Variants in RAB27A observed in about 807,000 individuals in gnomAD.
RAB27A encodes RAB27A, member RAS oncogene family, also known as ras-related protein Rab-27A.
Under a neutral mutation model 20.8 loss-of-function variants are expected in RAB27A, and 17 were observed. That is an observed-to-expected ratio of 0.82 (90% CI 0.56 to 1.23). The LOEUF (loss-of-function observed/expected upper bound fraction) is 1.23, where lower values mean the gene tolerates loss of function less well. RAB27A is among the 50% of genes most tolerant of loss of function. RAB27A has a pLI of 0.00. For missense variants in RAB27A, 277 were observed against 266.7 expected, an observed-to-expected ratio of 1.04 and a Z score of -0.27; for synonymous variants, 85 against 92.8, an observed-to-expected ratio of 0.92 and a Z score of 0.48.
In RAB27A at chr15:55,284,461, C is replaced by CA. The variant is rs1566935987; in HGVS notation, c.-143+5254dup. ...TACTCCAGAGGGTCAAAAGTGTTAA[C>CA]AAAACCATAAAAAAAAATAAAACCA... On this transcript the variant is annotated intron_variant, in intron 1 of 6. Transcript: ENST00000336787. Among the ~76,000 whole-genome samples, 5 of 151,964 alleles carry CA rather than the reference C, an allele frequency of 3.3e-5. No homozygotes were observed. In the South Asian group the frequency reaches 8.3e-4, roughly 25 times the overall value.
At chr15:55,288,888 A>G (rs970157038) in intron 1 of RAB27A, 3 of 152,204 alleles carry the variant, frequency 2.0e-5, no homozygotes, top group African/African-American at 7.2e-5. Context: ...ATTACAGAAA[A>G]CTTAAATAGC....
At chr15:55,265,669 T>C (rs1346573028) in intron 2 of RAB27A, among the ~76,000 whole-genome samples, 1 of 149,102 alleles carries the variant, frequency 6.7e-6, no homozygotes, top group Non-Finnish European at 1.5e-5. Context: ...TTTCGAACCG[T>C]CAGGAGGGAA....
Position 55,205,467 on chromosome 15 carries a change from G to T in RAB27A, c.*40C>A. 1 of 1,585,330 alleles carries T rather than the reference G, an allele frequency of 6.3e-7. No individual in the cohort carries two copies. The highest frequency in any genetic ancestry group is 8.7e-7 in the Non-Finnish European group (1 of 1,153,978). On this transcript the variant is annotated 3_prime_UTR_variant, in exon 7 of 7. Coordinates refer to ENST00000336787, the MANE Select transcript of RAB27A (RefSeq NM_183235.3). Reference sequence around the variant, plus strand: ...GTATCAATCATAGAGAAGATCCCAGGCATGGGCCACCTGAACTACTATGTC... The same window carrying T: ...GTATCAATCATAGAGAAGATCCCAGTCATGGGCCACCTGAACTACTATGTC...
chr15:55,260,188 C>A (rs1897225052), intron 2 of RAB27A, among the ~76,000 whole-genome samples: 2 of 152,134 alleles, frequency 1.3e-5, no homozygotes, highest in Admixed American at 6.5e-5. Flanking sequence ...TGAGAAGATG[C>A]TCAATATCAT....
At chr15:55,257,911 T>G (rs1334072264) in intron 2 of RAB27A, among the ~76,000 whole-genome samples, 1 of 152,084 alleles carries the variant, frequency 6.6e-6, no homozygotes, top group Non-Finnish European at 1.5e-5. Context: ...GAGAATTGCT[T>G]GAACCTGGGA....
chr15:55,254,235 A>T (rs1176354652), intron 2 of RAB27A, among the ~76,000 whole-genome samples: 4 of 152,186 alleles, frequency 2.6e-5, no homozygotes, highest in African/African-American at 4.8e-5. Context: ...AAAGAAAGAA[A>T]TATTATAATG....
chr15:55,226,388 C>A (rs748800291), intron 5 of RAB27A, among the ~76,000 whole-genome samples: 2 of 152,056 alleles, frequency 1.3e-5, no homozygotes, highest in Non-Finnish European at 2.9e-5. Flanking sequence ...CTGCAAGGAG[C>A]AAAGGGAAAG....
chr15:55,264,810 A>G (rs1159484882), intron 2 of RAB27A, among the ~76,000 whole-genome samples: 1 of 152,244 alleles, frequency 6.6e-6, no homozygotes, highest in African/African-American at 2.4e-5. Context: ...GCAGTAGCTC[A>G]TGAGCACATC....
chr15:55,226,075 G>A (rs1331428927), intron 5 of RAB27A, among the ~76,000 whole-genome samples: 2 of 152,192 alleles, frequency 1.3e-5, no homozygotes, highest in African/African-American at 4.8e-5. Context: ...AATATATACT[G>A]TTGGGTTTTT....
intron 2 of RAB27A, among the ~76,000 whole-genome samples, chr15:55,245,159 G>A (rs1392525146): frequency 6.6e-6 from 1 of 152,168 alleles, no homozygotes; most frequent in East Asian, 1.9e-4. Flanking sequence ...ACACCCTGAG[G>A]TGGAACACAG....
At chr15:55,213,528 A>G (rs538162372) in intron 6 of RAB27A, among the ~76,000 whole-genome samples, 47 of 152,324 alleles carry the variant, frequency 3.1e-4, no homozygotes, top group African/African-American at 1.1e-3. Flanking sequence ...ACCAGGCCAC[A>G]CAACAGGAGG....
intron 2 of RAB27A, among the ~76,000 whole-genome samples, chr15:55,297,277 T>G (rs2054953511): frequency 6.6e-6 from 1 of 152,266 alleles, no homozygotes. Flanking sequence ...AAGAAATACG[T>G]GCATGTGTGT....
chr15:55,209,437 C>G (rs1376230386), intron 6 of RAB27A, among the ~76,000 whole-genome samples: 1 of 152,086 alleles, frequency 6.6e-6, no homozygotes, highest in Non-Finnish European at 1.5e-5. Flanking sequence ...TAATGATCTC[C>G]AGTTCCATCC....
At chr15:55,218,691 T>A (rs1895424636) in intron 6 of RAB27A, among the ~76,000 whole-genome samples, 1 of 152,156 alleles carries the variant, frequency 6.6e-6, no homozygotes, top group Non-Finnish European at 1.5e-5. Flanking sequence ...GCCCATTTCT[T>A]TGCACAGTAC....
chr15:55,318,965 A>C (rs2055096224), exon 1 of RAB27A: 1 of 375,078 alleles, frequency 2.7e-6, no homozygotes, highest in African/African-American at 2.1e-5. Context: ...ACGTCACTAA[A>C]CTCGCTACCG....
At chr15:55,286,912 CTTTTTTTTTTT>C (rs35313703) in intron 1 of RAB27A, among the ~76,000 whole-genome samples, 4 of 57,138 alleles carry the variant, frequency 7.0e-5, no homozygotes, top group Admixed American at 2.8e-4. Flanking sequence ...TAGATGTATT[CTTTTTTTTTTT>C]TTTTTTTTTT....
intron 2 of RAB27A, among the ~76,000 whole-genome samples, chr15:55,239,999 C>T (rs1896417250): frequency 6.6e-6 from 1 of 152,146 alleles, no homozygotes; most frequent in Admixed American, 6.6e-5. Flanking sequence ...CACCTCCATC[C>T]TGCAAGTCCA....
intron 6 of RAB27A, among the ~76,000 whole-genome samples, chr15:55,214,527 T>TTGCTCCCCTAACTCCACCA (rs1895190230): frequency 2.6e-5 from 4 of 152,192 alleles, no homozygotes; most frequent in Admixed American, 2.6e-4. Context: ...CAAGGCAGAG[T>TTGCTCCCCTAACTCCACCA]TGCTCCCCTA....
At position 55,230,427 on chromosome 15, in the gene RAB27A, C is replaced by A. The variant is rs776920896; in HGVS notation, c.213G>T (p.Gln71His). The change falls in exon 4 of 7, where the codon CAG (glutamine) becomes CAT (histidine). Residue 71 changes from glutamine (Q) to histidine (H), a missense_variant. Gln to His is a conservative substitution (Grantham distance 24). Transcript: ENST00000336787. Reference protein sequence around the residue: ...ATGRGQRIHLQLWDTAGQERF... With the variant: ...ATGRGQRIHLHLWDTAGQERF... ...TCTCCTGCCCTGCTGTGTCCCATAA[C>A]TGCAGGTGGATTCTCTGGCCTCTGC... 8.1e-5 allele frequency: 131 copies of A among 1,613,740 alleles called. No homozygotes were observed. The highest frequency in any genetic ancestry group is 1.0e-4 in the Non-Finnish European group (119 of 1,179,744).
Sources: gnomAD v4.1 joint callset for allele counts (sites outside exome capture counted in the v4.1 genomes callset) on GRCh38, gnomAD v4.1.1 for gene constraint, MANE v1.5 for transcripts, NCBI Gene and HGNC (gene_info 2026-07-23, HGNC 2026-07-21) for gene names.